Variants in ADAM18 observed in about 807,000 individuals in gnomAD.
ADAM18 encodes disintegrin and metalloproteinase domain-containing protein 18.
ADAM18 carries 117 observed loss-of-function variants against 94.4 expected under a neutral mutation model. The ratio of observed to expected loss-of-function variants is 1.24; its 90% CI spans 1.07 to 1.45. The LOEUF is 1.45. Among genes scored for constraint, ADAM18 ranks in the 40% most tolerant of loss-of-function variants. The pLI, the probability that ADAM18 is intolerant of heterozygous loss-of-function variation, is 0.00. For missense variants in ADAM18, 936 were observed against 880.0 expected, an observed-to-expected ratio of 1.06 and a Z score of -0.81; for synonymous variants, 327 against 291.6, an observed-to-expected ratio of 1.12 and a Z score of -1.24.
At chr8:39,657,585 G>C (rs969865179) in intron 12 of ADAM18, among the ~76,000 whole-genome samples, 1 of 152,060 alleles carries the variant, frequency 6.6e-6, no homozygotes, top group Non-Finnish European at 1.5e-5. Context: ...CAAAGTGCTG[G>C]GATTACAGAC....
Position 39,680,029 on chromosome 8 carries a change from A to C in ADAM18, c.1632-8A>C, listed in dbSNP as rs752641792. On this transcript the variant is annotated splice_polypyrimidine_tract_variant and splice_region_variant and intron_variant, in intron 15 of 19. Transcript: ENST00000265707. ...ACTGATAAGGAACTTTTTGCTTTCC[A>C]CTTCCAGGGATGTTCTCTGTGGAAA... 6.2e-7 allele frequency: 1 copy of C among 1,611,222 alleles called. No individual in the cohort carries two copies.
intron 17 of ADAM18, among the ~76,000 whole-genome samples, chr8:39,701,285 A>C (rs1038753919): frequency 6.7e-6 from 1 of 150,346 alleles, no homozygotes; most frequent in African/African-American, 2.4e-5. Flanking sequence ...TGATATGTTC[A>C]TTGTGGTGTA....
chr8:39,636,001 G>GTTTTTTTT (rs199533879), intron 7 of ADAM18, among the ~76,000 whole-genome samples: 1 of 141,812 alleles, frequency 7.1e-6, no homozygotes, highest in Non-Finnish European at 1.5e-5. Context: ...TAACCATTAA[G>GTTTTTTTT]TTTTTTTGTT....
At position 39,719,337 on chromosome 8, in the gene ADAM18, C is replaced by CCA. The variant is rs1220729425; in HGVS notation, c.2018-4411_2018-4410insCA. On this transcript the variant is annotated intron_variant, in intron 18 of 19. Transcript: ENST00000265707. ...TTCACACCATGTTCAAAAATTAACT[C>CCA]AAAGTTGATTACAGACCAAAATTTA... Among the ~76,000 whole-genome samples the CCA allele has an allele frequency of 2.0e-5, 3 of 151,300 alleles. No homozygotes were observed. In the East Asian group the frequency reaches 5.8e-4, roughly 29 times the overall value.
intron 12 of ADAM18, among the ~76,000 whole-genome samples, chr8:39,660,705 A>C (rs1820811540): frequency 6.6e-6 from 1 of 152,244 alleles, no homozygotes; most frequent in Non-Finnish European, 1.5e-5. Flanking sequence ...AATTAACAAG[A>C]AAGTACTGGA....
rs143654387 is a variant in ADAM18 at position 39,686,164 on chromosome 8, C to T, written c.1821+5938C>T. Among the ~76,000 whole-genome samples the T allele has an allele frequency of 6.0e-4, 92 of 152,258 alleles. No individual in the cohort carries two copies. The East Asian group carries it at 6.6e-3, about 11-fold the overall frequency. Reference sequence around the variant, plus strand: ...GCACTTCCAAACCTTTTTCAGCCTCCGGTCAGTAGTGAGTTCCAAAGCCAC... The same window carrying T: ...GCACTTCCAAACCTTTTTCAGCCTCTGGTCAGTAGTGAGTTCCAAAGCCAC... On this transcript the variant is annotated intron_variant, in intron 16 of 19. Transcript: ENST00000265707.
intron 16 of ADAM18, among the ~76,000 whole-genome samples, chr8:39,683,369 C>G (rs997621832): frequency 2.6e-5 from 4 of 152,304 alleles, no homozygotes; most frequent in Admixed American, 2.6e-4. Context: ...CTATGCCATT[C>G]CCAGAATTCA....
intron 6 of ADAM18, among the ~76,000 whole-genome samples, chr8:39,616,860 A>G (rs192421888): frequency 4.9e-4 from 75 of 152,324 alleles, no homozygotes; most frequent in African/African-American, 1.5e-3. Context: ...ATATACAAAA[A>G]TCAAATCAAG....
At chr8:39,716,535 A>T (rs7461855) in intron 18 of ADAM18, among the ~76,000 whole-genome samples, 134,747 of 151,930 alleles carry the variant, frequency 0.89, 59,838 homozygotes, top group Admixed American at 0.93. Context: ...ATTTCTACTT[A>T]CATCCCCTTG....
Position 39,648,469 on chromosome 8 carries a change from C to T in ADAM18, c.1172C>T (p.Pro391Leu), listed in dbSNP as rs745492227. The change falls in exon 12 of 20, where the codon CCA (proline) becomes CTA (leucine). Residue 391 changes from proline to leucine, a missense_variant. Physicochemically the swap from Pro to Leu is moderately conservative, Grantham distance 98. Transcript: ENST00000265707. ...TTGCAACCATTACATCAAAATCAACCAGTGTGTGGTAATGGGATTTTGGAA... is the reference window on the plus strand; with the variant it reads ...TTGCAACCATTACATCAAAATCAACTAGTGTGTGGTAATGGGATTTTGGAA... ...SNLQPLHQNQ[P>L]VCGNGILESN... is the part of the protein sequence containing the mutation. 1.2e-6 allele frequency: 2 copies of T among 1,612,826 alleles called. No homozygotes were observed. Among genetic ancestry groups the T allele is most frequent in the Non-Finnish European group, 1.7e-6 (2 of 1,179,440 alleles).
chr8:39,587,209 T>C (rs543654503), intron 2 of ADAM18, among the ~76,000 whole-genome samples: 1 of 152,318 alleles, frequency 6.6e-6, no homozygotes, highest in African/African-American at 2.4e-5. Context: ...TGCATACTTT[T>C]GTTTTGTGTT....
At chr8:39,619,635 A>G (rs1423619537) in intron 6 of ADAM18, among the ~76,000 whole-genome samples, 1 of 152,164 alleles carries the variant, frequency 6.6e-6, no homozygotes, top group Non-Finnish European at 1.5e-5. Context: ...AAACAATCCC[A>G]TTTATAATAC....
rs958308555 is a variant in ADAM18, at chr8:39,691,996, TAAAA to T, written c.1822-601_1822-598del. ...CAGATTTTATGGTGACACTTTGAAA[TAAAA>T]AAGAAGCTTGCAAAGTCAGAAAAAA... On this transcript the variant is annotated intron_variant, in intron 16 of 19. Transcript: ENST00000265707. 5.7e-3 allele frequency among the ~76,000 whole-genome samples: 871 copies of T among 151,564 alleles called. 5 individuals are homozygous for T. Among genetic ancestry groups the T allele is most frequent in the African/African-American group, 0.02 (828 of 41,414 alleles).
In ADAM18 at chr8:39,667,855, T is replaced by C. The variant is rs954490196; in HGVS notation, c.1327-143T>C. The C allele has an allele frequency of 1.7e-5, 13 of 748,868 alleles. No individual in the cohort carries two copies. The African/African-American group carries it at 2.3e-4, about 13-fold the overall frequency. The allele number at this position is 748,868 out of a possible 1,614,324, so 46.4% of individuals were successfully genotyped here. ...CACAATGAATACTGTATTTGATTTTTTTTGGCAAACTCACGGACTTGGGAA... is the reference window on the plus strand; with the variant it reads ...CACAATGAATACTGTATTTGATTTTCTTTGGCAAACTCACGGACTTGGGAA... On this transcript the variant is annotated intron_variant, in intron 13 of 19. Transcript: ENST00000265707.
At chr8:39,720,530 C>T (rs866945766) in intron 18 of ADAM18, among the ~76,000 whole-genome samples, 22 of 151,294 alleles carry the variant, frequency 1.5e-4, no homozygotes, top group African/African-American at 5.3e-4. Flanking sequence ...TATTTTGTTG[C>T]CAACTCTCGG....
intron 17 of ADAM18, among the ~76,000 whole-genome samples, chr8:39,704,060 G>C (rs892848547): frequency 3.3e-5 from 5 of 151,998 alleles, no homozygotes; most frequent in African/African-American, 1.2e-4. Context: ...TGAAATTGGG[G>C]CAGTAATAAA....
chr8:39,636,210 T>C (rs1252947019), intron 7 of ADAM18, among the ~76,000 whole-genome samples: 1 of 152,018 alleles, frequency 6.6e-6, no homozygotes, highest in Non-Finnish European at 1.5e-5. Context: ...TTTAAAGAGA[T>C]GAAGTCTCAC....
intron 6 of ADAM18, among the ~76,000 whole-genome samples, chr8:39,618,154 C>T (rs1819500788): frequency 6.6e-6 from 1 of 152,046 alleles, no homozygotes; most frequent in African/African-American, 2.4e-5. Flanking sequence ...TGGGATCTGG[C>T]CAGCAGCCCG....
chr8:39,669,817 T>C (rs1025767027), intron 14 of ADAM18, among the ~76,000 whole-genome samples: 4 of 152,186 alleles, frequency 2.6e-5, no homozygotes, highest in African/African-American at 7.2e-5. Flanking sequence ...TATAATCCTT[T>C]GGGTATATAC....
Sources: allele counts gnomAD v4.1 joint callset (sites outside exome capture counted in the v4.1 genomes callset), GRCh38; gene constraint gnomAD v4.1.1; transcripts MANE v1.5; gene names NCBI Gene and HGNC (gene_info 2026-07-23, HGNC 2026-07-21).